Variants in BICD1 observed in about 807,000 individuals in gnomAD.
The protein encoded by BICD1 is protein bicaudal D homolog 1.
BICD1 carries 35 observed loss-of-function variants against 92.5 expected under a neutral mutation model. That is an observed-to-expected ratio of 0.38 (90% CI 0.29 to 0.50). The LOEUF (loss-of-function observed/expected upper bound fraction) is 0.50. Among genes scored for constraint, BICD1 ranks in the 20% least tolerant of loss-of-function variants. The probability of loss-of-function intolerance (pLI) is 0.93; values close to 1 mark genes in which losing one functional copy is unlikely to be tolerated. For missense variants in BICD1, 950 were observed against 1,189.8 expected, an observed-to-expected ratio of 0.80 and a Z score of 2.97; for synonymous variants, 429 against 465.1, an observed-to-expected ratio of 0.92 and a Z score of 1.00.
chr12:32,306,721 A>G (rs1014425160), intron 4 of BICD1, among the ~76,000 whole-genome samples: 2 of 151,998 alleles, frequency 1.3e-5, no homozygotes, highest in African/African-American at 4.8e-5. Context: ...AAAGACAGAA[A>G]AAAGTTCCTT....
intron 1 of BICD1, among the ~76,000 whole-genome samples, chr12:32,118,781 T>C (rs1183167077): frequency 6.6e-6 from 1 of 152,218 alleles, no homozygotes. Flanking sequence ...TGATGTTTTC[T>C]TTTTGCTTTA....
chr12:32,116,165 T>TG (rs956325123), intron 1 of BICD1, among the ~76,000 whole-genome samples: 13 of 110,560 alleles, frequency 1.2e-4, no homozygotes, highest in Middle Eastern at 6.1e-3. Flanking sequence ...ATAATGTCTA[T>TG]GATTTTTTTT....
intron 8 of BICD1, among the ~76,000 whole-genome samples, chr12:32,355,807 C>CA (rs796995209): frequency 0.035 from 4,718 of 135,904 alleles, 217 homozygotes; most frequent in African/African-American, 0.11. Flanking sequence ...GACTCTGTCT[C>CA]AAAAAAAAAA....
At chr12:32,318,419 G>T (rs1049243231) in intron 4 of BICD1, among the ~76,000 whole-genome samples, 1 of 151,864 alleles carries the variant, frequency 6.6e-6, no homozygotes, top group Non-Finnish European at 1.5e-5. Context: ...CCTTGAAGAG[G>T]TCCTTCACAT....
intron 4 of BICD1, among the ~76,000 whole-genome samples, chr12:32,327,145 T>A (rs950153205): frequency 6.6e-6 from 1 of 152,178 alleles, no homozygotes; most frequent in African/African-American, 2.4e-5. Context: ...TCTCTTAAAG[T>A]CATGTTGTTT....
intron 2 of BICD1, among the ~76,000 whole-genome samples, chr12:32,252,204 T>TTTATAATAA (rs1946584428): frequency 1.8e-5 from 2 of 112,000 alleles, no homozygotes; most frequent in African/African-American, 3.5e-5. Flanking sequence ...ATATTTTATA[T>TTTATAATAA]ATATTATATA....
At chr12:32,190,339 G>A (rs1056213301) in intron 1 of BICD1, among the ~76,000 whole-genome samples, 2 of 152,154 alleles carry the variant, frequency 1.3e-5, no homozygotes, top group Admixed American at 6.5e-5. Flanking sequence ...AACAATATTC[G>A]TGTGTACAAG....
At chr12:32,176,274 T>A (rs1261380421) in intron 1 of BICD1, among the ~76,000 whole-genome samples, 1 of 152,224 alleles carries the variant, frequency 6.6e-6, no homozygotes, top group Non-Finnish European at 1.5e-5. Context: ...TCATTTTATG[T>A]TTTTTGAGAA....
chr12:32,123,252 G>A (rs1176478426), intron 1 of BICD1, among the ~76,000 whole-genome samples: 1 of 152,162 alleles, frequency 6.6e-6, no homozygotes, highest in Non-Finnish European at 1.5e-5. Context: ...GAGTTAGGGG[G>A]TGAATAGTAG....
chr12:32,222,868 G>A (rs1945575129), intron 2 of BICD1, among the ~76,000 whole-genome samples: 1 of 152,176 alleles, frequency 6.6e-6, no homozygotes, highest in African/African-American at 2.4e-5. Flanking sequence ...CTTGGACGCA[G>A]AGAGCAGCTC....
At chr12:32,351,408 A>T (rs545169290) in intron 8 of BICD1, among the ~76,000 whole-genome samples, 2 of 145,460 alleles carry the variant, frequency 1.4e-5, no homozygotes, top group South Asian at 4.4e-4. Context: ...ATTCGCTTGA[A>T]CCTGGGAGGT....
chr12:32,196,618 T>C lies in BICD1; in HGVS notation c.214-19629T>C, dbSNP rs189263278. On this transcript the variant is annotated intron_variant, in intron 1 of 9. Coordinates refer to ENST00000652176, the MANE Select transcript of BICD1 (RefSeq NM_001714.4). ...CAGAGTAGAATGGTGGTTGCCAGGGTCTGGGGGTGAGGGATTAGGGGAGAT... is the reference window on the plus strand; with the variant it reads ...CAGAGTAGAATGGTGGTTGCCAGGGCCTGGGGGTGAGGGATTAGGGGAGAT... Among the ~76,000 whole-genome samples, 665 of 152,250 alleles carry C rather than the reference T, an allele frequency of 4.4e-3. 11 individuals carry two copies. Among genetic ancestry groups the C allele is most frequent in the African/African-American group, 0.016 (647 of 41,522 alleles).
At chr12:32,210,543 A>G (rs1945187804) in intron 1 of BICD1, among the ~76,000 whole-genome samples, 1 of 152,222 alleles carries the variant, frequency 6.6e-6, no homozygotes, top group African/African-American at 2.4e-5. Flanking sequence ...GAAGGAGAAA[A>G]CAAAGTACTT....
chr12:32,157,942 T>G (rs1943487391), intron 1 of BICD1, among the ~76,000 whole-genome samples: 1 of 152,082 alleles, frequency 6.6e-6, no homozygotes, highest in African/African-American at 2.4e-5. Context: ...ACTTAACTTT[T>G]CTGTGGCTCA....
chr12:32,178,814 T>C (rs1144723), intron 1 of BICD1, among the ~76,000 whole-genome samples: 151,537 of 151,946 alleles, frequency 1, 75,570 homozygotes, highest in Middle Eastern at 1. Flanking sequence ...AAAATGGCAG[T>C]TGTCCTGCAT....
At chr12:32,336,824 C>T (rs1938145330) in intron 6 of BICD1, among the ~76,000 whole-genome samples, 1 of 152,256 alleles carries the variant, frequency 6.6e-6, no homozygotes, top group Admixed American at 6.5e-5. Context: ...AGACTGTCTC[C>T]ATATGGGCTG....
intron 1 of BICD1, among the ~76,000 whole-genome samples, chr12:32,189,306 A>G (rs1160934140): frequency 2.0e-5 from 3 of 152,210 alleles, no homozygotes. Context: ...CAAAGTTATC[A>G]GACAATGTGC....
At chr12:32,348,723 A>AAAATAT (rs1938731695) in intron 8 of BICD1, among the ~76,000 whole-genome samples, 2 of 117,960 alleles carry the variant, frequency 1.7e-5, no homozygotes, top group Non-Finnish European at 3.7e-5. Context: ...CTCACACAAA[A>AAAATAT]ATATATATAT....
At chr12:32,231,324 A>G (rs1945879908) in intron 2 of BICD1, among the ~76,000 whole-genome samples, 1 of 152,068 alleles carries the variant, frequency 6.6e-6, no homozygotes, top group Non-Finnish European at 1.5e-5. Context: ...CTCTACAAAA[A>G]ATACAAAAAT....
Sources: gnomAD v4.1 joint callset for allele counts (sites outside exome capture counted in the v4.1 genomes callset) on GRCh38, gnomAD v4.1.1 for gene constraint, MANE v1.5 for transcripts, NCBI Gene and HGNC (gene_info 2026-07-23, HGNC 2026-07-21) for gene names.